The following USP50 variants were observed in gnomAD, a reference collection of about 807,000 sequenced individuals.
The protein encoded by USP50 is ubiquitin carboxyl-terminal hydrolase 50.
In USP50, 37 loss-of-function variants were observed where a neutral mutation model predicts 39.2. The observed-to-expected ratio is 0.94, with a 90% confidence interval of 0.73 to 1.24. USP50 has a LOEUF of 1.24. USP50 is among the 50% of genes most tolerant of loss of function. The pLI is 0.00. For synonymous variants in USP50, 139 were observed against 144.5 expected, an observed-to-expected ratio of 0.96 and a Z score of 0.27; for missense variants, 374 against 398.2, an observed-to-expected ratio of 0.94 and a Z score of 0.52.
At position 50,518,968 on chromosome 15, in the gene USP50, C is replaced by A. The variant is rs999526951; in HGVS notation, c.936+10829G>T. 3.3e-5 allele frequency among the ~76,000 whole-genome samples: 5 copies of A among 152,068 alleles called. No individual in the cohort carries two copies. The East Asian group carries it at 9.6e-4, about 29-fold the overall frequency. ...AGGAACTCAAACAACTCAACAACAACAAAAAAAGAAATAATCCCATTAAAA... is the reference window on the plus strand; with the variant it reads ...AGGAACTCAAACAACTCAACAACAAAAAAAAAAGAAATAATCCCATTAAAA... On this transcript the variant is annotated intron_variant, in intron 6 of 6. Transcript: ENST00000532404.
intron 5 of USP50, among the ~76,000 whole-genome samples, chr15:50,535,107 C>A (rs768358975): frequency 6.6e-6 from 1 of 151,952 alleles, no homozygotes; most frequent in Non-Finnish European, 1.5e-5. Flanking sequence ...CCACTGCACT[C>A]CAGCCTGGGC....
intron 6 of USP50, chr15:50,511,284 G>A (rs1373151049): frequency 6.6e-6 from 1 of 152,188 alleles, no homozygotes; most frequent in African/African-American, 2.4e-5. Context: ...AAGTTCGGTT[G>A]AGGATGTGGG....
chr15:50,536,329 T>C (rs1382133901), intron 5 of USP50, among the ~76,000 whole-genome samples: 2 of 152,176 alleles, frequency 1.3e-5, no homozygotes, highest in African/African-American at 4.8e-5. Flanking sequence ...ACATCAGCTT[T>C]GAACAAATGG....
At chr15:50,538,890 C>G in intron 4 of USP50, 39 bp from the exon 5 acceptor site, 1 of 1,574,918 alleles carries the variant, frequency 6.3e-7, no homozygotes, top group African/African-American at 1.4e-5. Flanking sequence ...CAAATTGGAT[C>G]AACTGCAACC....
chr15:50,516,474 G>A (rs1387774684), intron 6 of USP50, among the ~76,000 whole-genome samples: 4 of 151,990 alleles, frequency 2.6e-5, no homozygotes, highest in Non-Finnish European at 2.9e-5. Context: ...AAAAGTAGCC[G>A]GGCGTGGTGG....
intron 6 of USP50, among the ~76,000 whole-genome samples, chr15:50,528,549 C>A (rs1473147155): frequency 6.6e-6 from 1 of 152,050 alleles, no homozygotes; most frequent in East Asian, 1.9e-4. Context: ...ATAAGGGAGG[C>A]AGTTCCTGCA....
At position 50,524,223 on chromosome 15, in the gene USP50, T is replaced by C. The variant is rs545089108; in HGVS notation, c.936+5574A>G. On this transcript the variant is annotated intron_variant, in intron 6 of 6. Transcript: ENST00000532404. ...AGCGTTGGCCTAGACAATGATTATT[T>C]TGGATGTAACCCTAAAAGCACAGGC... Among the ~76,000 whole-genome samples the C allele has an allele frequency of 2.6e-5, 4 of 152,350 alleles. No homozygotes were observed. The South Asian group carries it at 8.3e-4, about 32-fold the overall frequency.
intron 5 of USP50, among the ~76,000 whole-genome samples, chr15:50,538,273 C>CAAAAAA (rs766139797): frequency 9.8e-4 from 17 of 17,298 alleles, no homozygotes; most frequent in African/African-American, 1.5e-3. Context: ...GAGACTGTCT[C>CAAAAAA]AAAAAAAAAA....
downstream of USP50, chr15:50,499,799 G>GTCTT (rs1430474258): frequency 6.6e-6 from 1 of 151,950 alleles, no homozygotes; most frequent in Non-Finnish European, 1.5e-5. Flanking sequence ...TGGGTGTTCT[G>GTCTT]TCTTTAATAT....
At chr15:50,520,056 C>T (rs2052836508) in intron 6 of USP50, among the ~76,000 whole-genome samples, 1 of 151,994 alleles carries the variant, frequency 6.6e-6, no homozygotes, top group South Asian at 2.1e-4. Flanking sequence ...GTAATCCCAA[C>T]ATTTTTGGAA....
chr15:50,496,499 AAC>A (rs1247386130), downstream of USP50, among the ~76,000 whole-genome samples: 2 of 151,414 alleles, frequency 1.3e-5, no homozygotes, highest in African/African-American at 4.9e-5. Context: ...AAAAAAAAAA[AAC>A]CTTTTATCAG....
chr15:50,496,996 T>C (rs1285769236), downstream of USP50: 11 of 1,462,868 alleles, frequency 7.5e-6, no homozygotes, highest in East Asian at 1.2e-4. Flanking sequence ...GTTGAATCAC[T>C]GGTGCCTGCA....
intron 6 of USP50, among the ~76,000 whole-genome samples, chr15:50,516,646 A>G (rs991998699): frequency 1.3e-4 from 20 of 152,004 alleles, no homozygotes; most frequent in Non-Finnish European, 2.1e-4. Context: ...ACCCAACTAT[A>G]TACTAGCTAC....
chr15:50,519,441 G>A (rs973928843), intron 6 of USP50, among the ~76,000 whole-genome samples: 2 of 152,022 alleles, frequency 1.3e-5, no homozygotes, highest in Non-Finnish European at 2.9e-5. Flanking sequence ...GAGGCCGGGT[G>A]CGGTGGCTCA....
intron 6 of USP50, among the ~76,000 whole-genome samples, chr15:50,527,704 C>T (rs919332674): frequency 5.3e-5 from 8 of 149,784 alleles, no homozygotes; most frequent in African/African-American, 1.7e-4. Flanking sequence ...GGCCCAATAT[C>T]GCTCACTGCA....
At chr15:50,508,178 C>G (rs1336265363) in intron 6 of USP50, 1 of 148,118 alleles carries the variant, frequency 6.8e-6, no homozygotes, top group Non-Finnish European at 1.5e-5. Flanking sequence ...AAAATCAATA[C>G]TTTTGGAAAT....
At chr15:50,529,114 C>A (rs922213470) in intron 6 of USP50, among the ~76,000 whole-genome samples, 4 of 152,052 alleles carry the variant, frequency 2.6e-5, no homozygotes, top group African/African-American at 9.7e-5. Flanking sequence ...GGGACCCCAG[C>A]GTTTTTCTAG....
intron 4 of USP50, 107 bp downstream of exon 4, chr15:50,540,942 A>G (rs1302310059): frequency 2.4e-6 from 2 of 839,766 alleles, no homozygotes; most frequent in African/African-American, 3.4e-5. Flanking sequence ...TTTAAATTAA[A>G]GTTATAAAGC....
intron 5 of USP50, among the ~76,000 whole-genome samples, chr15:50,530,792 T>C (rs538384793): frequency 1.1e-4 from 17 of 152,208 alleles, no homozygotes; most frequent in South Asian, 2.1e-4. Flanking sequence ...AGGCTCAACA[T>C]TGGGGGAAGC....
Sources: gnomAD v4.1 joint callset for allele counts (sites outside exome capture counted in the v4.1 genomes callset) on GRCh38, gnomAD v4.1.1 for gene constraint, MANE v1.5 for transcripts, NCBI Gene and HGNC (gene_info 2026-07-23, HGNC 2026-07-21) for gene names.